Variants in RAG1 observed in about 807,000 individuals in gnomAD.
RAG1 encodes the protein recombination activating 1, also known as V(D)J recombination-activating protein 1.
A neutral mutation model predicts 62.7 loss-of-function variants in RAG1; 35 were observed. The observed-to-expected ratio is 0.56, with a 90% CI of 0.43 to 0.74. The LOEUF (loss-of-function observed/expected upper bound fraction) is 0.74. RAG1 is among the 30% of genes least tolerant of loss of function. The probability of loss-of-function intolerance (pLI) is 0.00; values close to 1 mark genes in which losing one functional copy is unlikely to be tolerated. For missense variants in RAG1, 1,169 were observed against 1,278.6 expected, an observed-to-expected ratio of 0.91 and a Z score of 1.31; for synonymous variants, 461 against 470.3, an observed-to-expected ratio of 0.98 and a Z score of 0.26.
chr11:36,543,278 T>C (rs1365281633), intron 3 of RAG1, among the ~76,000 whole-genome samples: 1 of 152,210 alleles, frequency 6.6e-6, no homozygotes, highest in African/African-American at 2.4e-5. Flanking sequence ...TTTGGAAGTG[T>C]GAGGTTGCCT....
chr11:36,526,867 G>T (rs1200675912), intron 2 of RAG1, among the ~76,000 whole-genome samples: 1 of 152,324 alleles, frequency 6.6e-6, no homozygotes, highest in East Asian at 1.9e-4. Flanking sequence ...TCTGTTGACT[G>T]CATAGATATC....
Position 36,573,639 on chromosome 11 carries a change from G to T in RAG1, c.335G>T (p.Arg112Leu), listed in dbSNP as rs749223640. The T allele has an allele frequency of 2.5e-6, 4 of 1,614,018 alleles. No homozygotes were observed. Among genetic ancestry groups the T allele is most frequent in the African/African-American group, 2.7e-5 (2 of 74,888 alleles). Residue 112 changes from arginine (R) to leucine (L), a missense_variant, in exon 2 of 2, where the codon CGC becomes CTC. Transcript: ENST00000299440. ...CAAGCCAACCTTCGACATCTCTGCC[G>T]CATCTGTGGGAATTCTTTTAGAGCT... is the stretch of plus-strand genomic sequence containing the variant. Reference protein sequence around the residue: ...IHQANLRHLCRICGNSFRADE... With the variant: ...IHQANLRHLCLICGNSFRADE...
chr11:36,571,799 G>T (rs1850750037), intron 1 of RAG1, among the ~76,000 whole-genome samples: 1 of 151,910 alleles, frequency 6.6e-6, no homozygotes, highest in Non-Finnish European at 1.5e-5. Flanking sequence ...TGTATTTTTG[G>T]TACAGATGGA....
intron 2 of RAG1, among the ~76,000 whole-genome samples, chr11:36,530,987 C>T (rs1384651113): frequency 9.2e-5 from 14 of 152,066 alleles, no homozygotes; most frequent in African/African-American, 1.9e-4. Context: ...TTTTTCAACA[C>T]ATTGTTTGAT....
chr11:36,521,525 T>G lies in RAG1; in HGVS notation n.428+1296T>G, dbSNP rs182705677. 5.3e-5 allele frequency among the ~76,000 whole-genome samples: 8 copies of G among 152,294 alleles called. No individual in the cohort carries two copies. In the East Asian group the frequency reaches 1.5e-3, roughly 29 times the overall value. ...TGTGAGTCCAATAAACCTCCTTCTT[T>G]TGTAAATTGCTCAGTCTTGGGTATA... On this transcript the variant is annotated intron_variant and non_coding_transcript_variant, in intron 2 of 2. Transcript: ENST00000529126.
Position 36,534,283 on chromosome 11 carries a change from C to A in RAG1, n.429-1676C>A, listed in dbSNP as rs1035308170. ...ATGATACAGCAGGAACAGGCAAGAT[C>A]CTTGCTTTCATGAAAAGTACGCTCT... On this transcript the variant is annotated intron_variant and non_coding_transcript_variant, in intron 2 of 2. Transcript: ENST00000529126. Among the ~76,000 whole-genome samples the A allele has an allele frequency of 7.9e-5, 12 of 152,102 alleles. 1 individual carries two copies. Among genetic ancestry groups the A allele is most frequent in the Non-Finnish European group, 1.6e-4 (11 of 68,028 alleles).
chr11:36,565,097 A>G (rs958298740), upstream of RAG1, among the ~76,000 whole-genome samples: 2 of 152,196 alleles, frequency 1.3e-5, no homozygotes, highest in Admixed American at 1.3e-4. Flanking sequence ...TGGCTTTCAA[A>G]TTGGTGATGT....
intron 1 of RAG1, 34 bp from the exon 2 acceptor site, chr11:36,573,257 T>G (rs1850774955): frequency 1.2e-6 from 2 of 1,605,876 alleles, no homozygotes; most frequent in Non-Finnish European, 1.7e-6. Context: ...ATATTGATAT[T>G]GGTCTTAATA....
At chr11:36,573,224 T>C in intron 1 of RAG1, 67 bp from the exon 2 acceptor site, 1 of 1,425,186 alleles carries the variant, frequency 7.0e-7, no homozygotes, top group Non-Finnish European at 9.7e-7. Flanking sequence ...TTATTTTTAT[T>C]ATTTATAAGA....
intron 3 of RAG1, among the ~76,000 whole-genome samples, chr11:36,550,705 C>A (rs778653125): frequency 2.6e-5 from 4 of 152,068 alleles, no homozygotes; most frequent in Non-Finnish European, 5.9e-5. Context: ...GTGCCTTTTT[C>A]CTTCTCTTGC....
chr11:36,522,768 C>A (rs1860101915), intron 2 of RAG1, among the ~76,000 whole-genome samples: 1 of 152,210 alleles, frequency 6.6e-6, no homozygotes. Context: ...GGCAGAGCTG[C>A]CTAAGACCAT....
At chr11:36,540,945 T>G (rs1260077541), downstream of RAG1, among the ~76,000 whole-genome samples, 2 of 152,146 alleles carry the variant, frequency 1.3e-5, no homozygotes, top group Admixed American at 6.5e-5. Flanking sequence ...CTACCTAGGT[T>G]TAAACGTGAA....
chr11:36,574,084 G>C lies in RAG1; in HGVS notation c.780G>C (p.Lys260Asn), dbSNP rs765560985. 6.2e-7 allele frequency: 1 copy of C among 1,614,194 alleles called. No individual in the cohort carries two copies. The highest frequency in any genetic ancestry group is 2.2e-5 in the East Asian group (1 of 44,872). The change falls in exon 2 of 2, where the codon AAG becomes AAC. Residue 260 changes from lysine to asparagine, a missense_variant. By Grantham distance (94) the Lys-to-Asn change is moderately conservative. This residue lies in a region of RAG1 where 369 missense variants were observed against 335.3 expected (regional missense o/e 1.10). Coordinates refer to ENST00000299440, the MANE Select transcript of RAG1 (RefSeq NM_000448.3). ...KRRAQARISS[K>N]DVMKKIANCS... ...GAGCTCAGGCAAGGATCAGCAGCAA[G>C]GATGTCATGAAGAAGATCGCCAACT...
chr11:36,527,567 G>A (rs1860183763), intron 2 of RAG1, among the ~76,000 whole-genome samples: 8 of 152,082 alleles, frequency 5.3e-5, no homozygotes, highest in Admixed American at 4.6e-4. Context: ...GGCTATGCGG[G>A]CTCTTTTTTG....
chr11:36,526,523 A>G (rs1363913349), intron 2 of RAG1, among the ~76,000 whole-genome samples: 1 of 152,260 alleles, frequency 6.6e-6, no homozygotes, highest in Non-Finnish European at 1.5e-5. Flanking sequence ...GCTATTGTGA[A>G]TAGTGCCACA....
intron 3 of RAG1, among the ~76,000 whole-genome samples, chr11:36,561,036 T>A (rs1850577650): frequency 1.3e-5 from 2 of 152,200 alleles, no homozygotes; most frequent in Non-Finnish European, 2.9e-5. Context: ...CCATGTACCT[T>A]CCTTAGGCAC....
At chr11:36,546,426 C>T (rs1479240589) in intron 3 of RAG1, among the ~76,000 whole-genome samples, 1 of 152,082 alleles carries the variant, frequency 6.6e-6, no homozygotes, top group Admixed American at 6.5e-5. Flanking sequence ...TTTCCATTTG[C>T]TTGGTAAATC....
chr11:36,568,476 C>T (rs1850690838), intron 1 of RAG1, among the ~76,000 whole-genome samples: 1 of 152,096 alleles, frequency 6.6e-6, no homozygotes, highest in South Asian at 2.1e-4. Flanking sequence ...TAATCAGGAA[C>T]ATAATAGGGT....
chr11:36,573,632 C>A lies in RAG1; in HGVS notation c.328C>A (p.Leu110Ile). 6.2e-7 allele frequency: 1 copy of A among 1,614,198 alleles called. No individual in the cohort carries two copies. The highest frequency in any genetic ancestry group is 8.5e-7 in the Non-Finnish European group (1 of 1,180,048). The change falls in exon 2 of 2, where the codon CTC becomes ATC. Residue 110 changes from leucine to isoleucine, a missense_variant. By Grantham distance (5) the Leu-to-Ile change is conservative. Around this residue, in one of 2 missense-constraint regions of RAG1, gnomAD observed 369 missense variants for 335.3 expected, o/e 1.10. Coordinates refer to ENST00000299440, the MANE Select transcript of RAG1 (RefSeq NM_000448.3). ...GATCCATCAAGCCAACCTTCGACAT[C>A]TCTGCCGCATCTGTGGGAATTCTTT... Reference protein sequence around the residue: ...KAIHQANLRHLCRICGNSFRA... With the variant: ...KAIHQANLRHICRICGNSFRA...
Sources: allele counts gnomAD v4.1 joint callset (sites outside exome capture counted in the v4.1 genomes callset), GRCh38; gene constraint gnomAD v4.1.1; regional missense constraint gnomAD v4.1.1; transcripts MANE v1.5; gene names NCBI Gene and HGNC (gene_info 2026-07-23, HGNC 2026-07-21).